The following EPHB2 variants were observed in gnomAD, a reference collection of about 807,000 sequenced individuals.
The protein encoded by EPHB2 is ephrin type-B receptor 2.
In EPHB2, 18 loss-of-function variants were observed where a neutral mutation model predicts 96.4. That is an observed-to-expected ratio of 0.19 (90% CI 0.13 to 0.28). The LOEUF is 0.28. Ranked by LOEUF, EPHB2 falls within the 10% of genes least tolerant of loss-of-function variation. EPHB2 has a pLI of 1.00. For synonymous variants in EPHB2, 506 were observed against 534.1 expected, an observed-to-expected ratio of 0.95 and a Z score of 0.72; for missense variants, 989 against 1,355.4, an observed-to-expected ratio of 0.73 and a Z score of 4.25.
intron 9 of EPHB2, among the ~76,000 whole-genome samples, chr1:22,897,835 C>A (rs911590339): frequency 6.6e-6 from 1 of 151,204 alleles, no homozygotes; most frequent in Non-Finnish European, 1.5e-5. Context: ...CACAGTGGCT[C>A]ACGCCTGTAA....
chr1:22,785,142 G>T, intron 3 of EPHB2, 66 bp downstream of exon 3: 1 of 1,586,054 alleles, frequency 6.3e-7, no homozygotes, highest in Non-Finnish European at 8.6e-7. Flanking sequence ...GCAGACTCGG[G>T]CTGCAGACTT....
intron 4 of EPHB2, among the ~76,000 whole-genome samples, chr1:22,864,310 T>C (rs1010783439): frequency 4.7e-5 from 7 of 150,126 alleles, no homozygotes; most frequent in Non-Finnish European, 1.0e-4. Flanking sequence ...CCTCCCAAAG[T>C]GCTGGGATTA....
chr1:22,854,364 T>C (rs1645669088), intron 3 of EPHB2, among the ~76,000 whole-genome samples: 1 of 151,964 alleles, frequency 6.6e-6, no homozygotes, highest in Non-Finnish European at 1.5e-5. Context: ...TACCAAAAAT[T>C]AGCCAGGCAT....
At chr1:22,907,039 T>C (rs933023298) in intron 11 of EPHB2, 82 bp downstream of exon 11, 3 of 1,489,148 alleles carry the variant, frequency 2.0e-6, no homozygotes, top group Non-Finnish European at 2.7e-6. Flanking sequence ...TGTCAGAGCC[T>C]GAAGGGGTCT....
rs1640249291 is a variant in EPHB2, at chr1:22,915,765, G to C, written c.*2195G>C. ...TCTTGCTCACATTAAAATCAGAATT[G>C]TCCACGTGGCAGGAGGAGGCAGGGA... On this transcript the variant is annotated 3_prime_UTR_variant, in exon 16 of 16. Transcript: ENST00000374630. The C allele has an allele frequency of 6.6e-6, 1 of 152,368 alleles. No individual in the cohort carries two copies. The highest frequency in any genetic ancestry group is 2.1e-4 in the South Asian group (1 of 4,828). 9.4% of individuals were successfully genotyped at this position (152,368 alleles called of 1,614,324 possible).
chr1:22,868,031 G>C (rs541260704), intron 5 of EPHB2, among the ~76,000 whole-genome samples: 38 of 152,334 alleles, frequency 2.5e-4, no homozygotes, highest in African/African-American at 8.7e-4. Context: ...ACTGGTAGAA[G>C]CCAGAAGGAA....
chr1:22,893,019 A>G lies in EPHB2; in HGVS notation c.1564A>G (p.Lys522Glu), dbSNP rs780164151. The change falls in exon 7 of 16, where the codon AAG becomes GAG. Residue 522 changes from lysine to glutamate, a missense_variant. By Grantham distance (56) the Lys-to-Glu change is moderately conservative. Coordinates refer to ENST00000374630, the MANE Select transcript of EPHB2 (RefSeq NM_017449.5). ...GGCAGGTTACGGGCGCTACAGCGGC[A>G]AGATGTACTTCCAGACCATGACAGA... ...TVAGYGRYSG[K>E]MYFQTMTEAE... 1.2e-6 allele frequency: 2 copies of G among 1,614,230 alleles called. No individual in the cohort carries two copies. Among genetic ancestry groups the G allele is most frequent in the Non-Finnish European group, 1.7e-6 (2 of 1,180,032 alleles).
rs201544391 is a variant in EPHB2 at position 22,907,976 on chromosome 1, C to T, written c.2160C>T (p.Val720=). 6.2e-7 allele frequency: 1 copy of T among 1,614,264 alleles called. No homozygotes were observed. The highest frequency in any genetic ancestry group is 1.3e-5 in the African/African-American group (1 of 75,076). The change falls in exon 12 of 16, where the codon GTC becomes GTT. Residue 720 remains valine (V), a synonymous_variant. Transcript: ENST00000374630. ...FLRQNDGQFT[V]IQLVGMLRGI... ...AGCAAAACGATGGGCAGTTCACAGTCATCCAGCTGGTGGGCATGCTTCGGG... is the reference window on the plus strand; with the variant it reads ...AGCAAAACGATGGGCAGTTCACAGTTATCCAGCTGGTGGGCATGCTTCGGG...
At chr1:22,855,699 G>T (rs1645688073) in intron 3 of EPHB2, among the ~76,000 whole-genome samples, 1 of 152,172 alleles carries the variant, frequency 6.6e-6, no homozygotes, top group Non-Finnish European at 1.5e-5. Context: ...CACTTACATA[G>T]CACTTAACAT....
At position 22,896,415 on chromosome 1, in the gene EPHB2, C is replaced by T. The variant is rs200219468; in HGVS notation, c.1702C>T (p.Arg568Trp). 2.2e-4 allele frequency: 350 copies of T among 1,614,108 alleles called. No individual in the cohort carries two copies. Among genetic ancestry groups the T allele is most frequent in the East Asian group, 4.7e-4 (21 of 44,872 alleles). Residue 568 changes from arginine (R) to tryptophan (W), a missense_variant and splice_region_variant, in exon 9 of 16, where the codon CGG becomes TGG. By Grantham distance (101) the Arg-to-Trp change is moderately radical (BLOSUM62 -3). Coordinates refer to ENST00000374630, the MANE Select transcript of EPHB2 (RefSeq NM_017449.5). ...VVVIAIVCNR[R>W]GFERADSEYT... ...AGCCCTTTGCTCTTGTTCCAGAAGA[C>T]GGGGGTTTGAGCGTGCTGACTCGGA...
Position 22,914,593 on chromosome 1 carries a change from C to T in EPHB2, c.*1023C>T, listed in dbSNP as rs1000215886. On this transcript the variant is annotated 3_prime_UTR_variant, in exon 16 of 16. Coordinates refer to ENST00000374630, the MANE Select transcript of EPHB2 (RefSeq NM_017449.5). ...GAAGTGACACTTTGACATTTCCTAC[C>T]TTTTGAGGACTTGATCCTTCTCCAG... 6.6e-6 allele frequency: 1 copy of T among 152,402 alleles called. No homozygotes were observed. Among genetic ancestry groups the T allele is most frequent in the African/African-American group, 2.4e-5 (1 of 41,338 alleles). 9.4% of individuals were successfully genotyped at this position (152,402 alleles called of 1,614,324 possible). A position where few individuals can be genotyped will look rare whatever the true frequency, so the allele number is the denominator to read the frequency against.
chr1:22,720,673 C>CCCG (rs1389860328), intron 1 of EPHB2, among the ~76,000 whole-genome samples: 4 of 122,290 alleles, frequency 3.3e-5, no homozygotes, highest in African/African-American at 8.6e-5. Flanking sequence ...CCCCCCCCCC[C>CCCG]GCCCCAGCAC....
intron 6 of EPHB2, among the ~76,000 whole-genome samples, chr1:22,884,076 G>C (rs1639142003): frequency 1.3e-5 from 2 of 151,482 alleles, no homozygotes; most frequent in South Asian, 4.2e-4. Context: ...CGCCACAAGT[G>C]AACATGGACT....
intron 3 of EPHB2, among the ~76,000 whole-genome samples, chr1:22,851,435 G>A (rs1645624247): frequency 6.6e-6 from 1 of 152,208 alleles, no homozygotes; most frequent in Non-Finnish European, 1.5e-5. Flanking sequence ...GGAGAGCAAG[G>A]GAGAAAGCCA....
intron 1 of EPHB2, among the ~76,000 whole-genome samples, chr1:22,744,846 G>A (rs1458241036): frequency 2.0e-5 from 3 of 151,610 alleles, no homozygotes; most frequent in African/African-American, 4.9e-5. Context: ...GAGTGAGACT[G>A]TGTCTCAAAA....
rs1643761359 is a variant in EPHB2 at position 22,733,522 on chromosome 1, C to T, written c.61+22479C>T. On this transcript the variant is annotated intron_variant, in intron 1 of 15. Transcript: ENST00000374630. The surrounding 1 kb of genome is among the most constrained non-coding windows in gnomAD (Gnocchi z 4.6). ...CAGTCATTTTAAAGGATTGATTTTACGGAGTAGTTTTGCACGGTGGAAATC... is the reference window on the plus strand; with the variant it reads ...CAGTCATTTTAAAGGATTGATTTTATGGAGTAGTTTTGCACGGTGGAAATC... Among the ~76,000 whole-genome samples, 3 of 152,112 alleles carry T rather than the reference C, an allele frequency of 2.0e-5. No homozygotes were observed. The highest frequency in any genetic ancestry group is 4.1e-4 in the South Asian group (2 of 4,826).
At chr1:22,777,651 AT>A (rs1199525060) in intron 1 of EPHB2, among the ~76,000 whole-genome samples, 1 of 152,218 alleles carries the variant, frequency 6.6e-6, no homozygotes, top group African/African-American at 2.4e-5. Context: ...GCAGCATCAG[AT>A]GGACTGGGAC....
intron 1 of EPHB2, among the ~76,000 whole-genome samples, chr1:22,769,162 C>T (rs1014833119): frequency 6.6e-6 from 1 of 152,150 alleles, no homozygotes; most frequent in Non-Finnish European, 1.5e-5. Flanking sequence ...ACAACAGATT[C>T]ACAGGCCAGA....
Position 22,882,420 on chromosome 1 carries a change from G to C in EPHB2, c.1365G>C (p.Ser455=). The C allele has an allele frequency of 6.2e-7, 1 of 1,614,146 alleles. No individual in the cohort carries two copies. The highest frequency in any genetic ancestry group is 8.5e-7 in the Non-Finnish European group (1 of 1,180,012). ...GCACCGTGGACAGCATTACCCTGTC[G>C]TGGTCCCAGCCGGACCAGCCCAATG... ...VSRTVDSITL[S]WSQPDQPNGV... Residue 455 remains serine, a synonymous_variant, in exon 6 of 16, where the codon TCG becomes TCC. Transcript: ENST00000374630.
Sources: allele counts gnomAD v4.1 joint callset (sites outside exome capture counted in the v4.1 genomes callset), GRCh38; gene constraint gnomAD v4.1.1; non-coding constraint Gnocchi (gnomAD v3.1); transcripts MANE v1.5; gene names NCBI Gene and HGNC (gene_info 2026-07-23, HGNC 2026-07-21).